Variants in NCAM2 observed in about 807,000 individuals in gnomAD.
NCAM2 encodes neural cell adhesion molecule 2.
NCAM2 carries 30 observed loss-of-function variants against 98.1 expected under a neutral mutation model. The observed-to-expected ratio is 0.31, with a 90% CI of 0.23 to 0.41. The LOEUF is 0.41. NCAM2 is among the 10% of genes least tolerant of loss of function. The pLI is 1.00. For missense variants in NCAM2, 867 were observed against 1,005.8 expected, an observed-to-expected ratio of 0.86 and a Z score of 1.87; for synonymous variants, 368 against 342.4, an observed-to-expected ratio of 1.07 and a Z score of -0.83.
chr21:21,460,144 C>A (rs1316958490), intron 12 of NCAM2, among the ~76,000 whole-genome samples: 1 of 151,732 alleles, frequency 6.6e-6, no homozygotes, highest in Non-Finnish European at 1.5e-5. Context: ...TCTTATTTAT[C>A]ATTTTTATTT....
rs539817094 is a variant in NCAM2, at chr21:21,265,423, ATG to A, written c.56-15149_56-15148del. Among the ~76,000 whole-genome samples the A allele has an allele frequency of 1.7e-3, 131 of 78,984 alleles. 4 individuals carry two copies. The highest frequency in any genetic ancestry group is 6.9e-3 in the African/African-American group (124 of 17,982). 51.8% of individuals were successfully genotyped at this position (78,984 alleles called of 152,430 possible). Reference sequence around the variant, plus strand: ...TATTATATATGTGTATATATAATATATGTGTGTATATATATTATATATACACA... The same window carrying A: ...TATTATATATGTGTATATATAATATATGTGTATATATATTATATATACACA... On this transcript the variant is annotated intron_variant, in intron 1 of 17. Coordinates refer to ENST00000400546, the MANE Select transcript of NCAM2 (RefSeq NM_004540.5).
rs567916412 is a variant in NCAM2, at chr21:21,283,921, C to G, written c.131-273C>G. Reference sequence around the variant, plus strand: ...TCCATTGATTACCAAGGGAAAATTTCAACAATCATAGCTTAAATACTGTAC... The same window carrying G: ...TCCATTGATTACCAAGGGAAAATTTGAACAATCATAGCTTAAATACTGTAC... On this transcript the variant is annotated intron_variant, in intron 2 of 17. Coordinates refer to ENST00000400546, the MANE Select transcript of NCAM2 (RefSeq NM_004540.5). 6.6e-5 allele frequency among the ~76,000 whole-genome samples: 10 copies of G among 151,974 alleles called. No individual in the cohort carries two copies. In the East Asian group the frequency reaches 1.9e-3, roughly 29 times the overall value.
At chr21:21,051,333 G>A (rs1309612162) in intron 1 of NCAM2, among the ~76,000 whole-genome samples, 2 of 152,076 alleles carry the variant, frequency 1.3e-5, no homozygotes, top group Admixed American at 6.6e-5. Flanking sequence ...CTGCATCTTC[G>A]CTTCCCCTTT....
chr21:21,069,524 A>C (rs2065513599), intron 1 of NCAM2, among the ~76,000 whole-genome samples: 1 of 152,166 alleles, frequency 6.6e-6, no homozygotes. Flanking sequence ...CCTCTTTGCC[A>C]CAGGTAAGTT....
At chr21:21,367,509 A>G (rs2075817010) in intron 8 of NCAM2, among the ~76,000 whole-genome samples, 2 of 152,010 alleles carry the variant, frequency 1.3e-5, no homozygotes, top group Admixed American at 1.3e-4. Context: ...GATCAAGAGA[A>G]AAGTCTAGCA....
intron 12 of NCAM2, chr21:21,463,717 G>C (rs233796): frequency 0.56 from 84,675 of 151,894 alleles, 24,993 homozygotes; most frequent in African/African-American, 0.7. Flanking sequence ...GAAATACTTA[G>C]CCTTGGCAGA....
intron 1 of NCAM2, among the ~76,000 whole-genome samples, chr21:21,147,449 C>G (rs984285039): frequency 5.9e-5 from 9 of 151,462 alleles, no homozygotes; most frequent in East Asian, 1.9e-4. Context: ...TTGCCCTGTC[C>G]CCTAGGCTGG....
rs192082025 is a variant in NCAM2 at position 21,379,071 on chromosome 21, T to C, written c.1195+5058T>C. On this transcript the variant is annotated intron_variant, in intron 9 of 17. Coordinates refer to ENST00000400546, the MANE Select transcript of NCAM2 (RefSeq NM_004540.5). ...GGTTTTACCTTAGGGCTGTTATTAA[T>C]TTTGAGTTCATTTTTGTGGAGTAGG... Among the ~76,000 whole-genome samples, 10 of 152,188 alleles carry C rather than the reference T, an allele frequency of 6.6e-5. No individual in the cohort carries two copies. The East Asian group carries it at 1.9e-3, about 29-fold the overall frequency.
At chr21:21,020,222 G>C (rs1403414944) in intron 1 of NCAM2, among the ~76,000 whole-genome samples, 1 of 152,022 alleles carries the variant, frequency 6.6e-6, no homozygotes, top group African/African-American at 2.4e-5. Flanking sequence ...TTTTAGAAGA[G>C]ATGGGGTTTC....
intron 1 of NCAM2, among the ~76,000 whole-genome samples, chr21:21,071,869 GC>G: frequency 7.5e-6 from 1 of 133,860 alleles, no homozygotes; most frequent in East Asian, 2.3e-4. Context: ...TGTCATGTCT[GC>G]CTATCTATCT....
At chr21:21,342,225 A>G (rs1486042713) in intron 8 of NCAM2, among the ~76,000 whole-genome samples, 1 of 152,226 alleles carries the variant, frequency 6.6e-6, no homozygotes, top group Non-Finnish European at 1.5e-5. Context: ...TTATTACTGC[A>G]TAGTAAATGA....
chr21:21,248,266 G>A (rs968838663), intron 1 of NCAM2, among the ~76,000 whole-genome samples: 3 of 151,630 alleles, frequency 2.0e-5, no homozygotes, highest in Non-Finnish European at 4.4e-5. Context: ...TTATATAAAA[G>A]TAACCCGAAT....
chr21:21,476,260 A>G (rs1253262817), intron 14 of NCAM2, among the ~76,000 whole-genome samples: 2 of 152,118 alleles, frequency 1.3e-5, no homozygotes, highest in African/African-American at 4.8e-5. Flanking sequence ...ATAGATTATT[A>G]GATACATGAT....
intron 9 of NCAM2, among the ~76,000 whole-genome samples, chr21:21,409,717 A>G (rs1267910925): frequency 1.3e-5 from 2 of 152,200 alleles, no homozygotes; most frequent in African/African-American, 4.8e-5. Context: ...TTATATTTTA[A>G]TAATTGGTAA....
chr21:21,147,325 A>G, intron 1 of NCAM2: 10 of 969,050 alleles, frequency 1.0e-5, no homozygotes, highest in Non-Finnish European at 1.1e-5. Flanking sequence ...TATTTGTTGA[A>G]TGTTGAAAGA....
At chr21:21,436,105 G>A (rs2826837) in intron 12 of NCAM2, among the ~76,000 whole-genome samples, 1 of 152,058 alleles carries the variant, frequency 6.6e-6, no homozygotes, top group African/African-American at 2.4e-5. Flanking sequence ...CATGATTTTT[G>A]CTGACAGAAA....
intron 1 of NCAM2, among the ~76,000 whole-genome samples, chr21:21,000,745 ATAGTACTTC>A (rs2064005802): frequency 6.6e-6 from 1 of 152,128 alleles, no homozygotes; most frequent in African/African-American, 2.4e-5. Flanking sequence ...AAGGGAACAT[ATAGTACTTC>A]TATGCCATGT....
At chr21:21,367,508 A>G (rs956793878) in intron 8 of NCAM2, among the ~76,000 whole-genome samples, 3 of 152,016 alleles carry the variant, frequency 2.0e-5, no homozygotes, top group Non-Finnish European at 4.4e-5. Context: ...GGATCAAGAG[A>G]AAAGTCTAGC....
intron 1 of NCAM2, among the ~76,000 whole-genome samples, chr21:21,138,241 C>T (rs1014792107): frequency 6.6e-6 from 1 of 152,172 alleles, no homozygotes; most frequent in Non-Finnish European, 1.5e-5. Flanking sequence ...AACGTCCTTA[C>T]TAGTATGCCT....
Sources: allele counts gnomAD v4.1 joint callset (sites outside exome capture counted in the v4.1 genomes callset), GRCh38; gene constraint gnomAD v4.1.1; transcripts MANE v1.5; gene names NCBI Gene and HGNC (gene_info 2026-07-23, HGNC 2026-07-21).